TATDN2: variants seen among roughly 807,000 people sequenced by gnomAD.
The protein encoded by TATDN2 is 3'-5' RNA nuclease TATDN2.
Under a neutral mutation model 60.3 loss-of-function variants are expected in TATDN2, and 44 were observed. That is an observed-to-expected ratio of 0.73 (90% CI 0.57 to 0.94). The LOEUF (loss-of-function observed/expected upper bound fraction) is 0.94. Ranked by LOEUF, TATDN2 falls within the 40% of genes least tolerant of loss-of-function variation. The probability of loss-of-function intolerance (pLI) is 0.00; values close to 1 mark genes in which losing one functional copy is unlikely to be tolerated. For synonymous variants in TATDN2, 399 were observed against 355.8 expected (o/e 1.12, Z -1.37); for missense variants, 997 against 948.0 (o/e 1.05, Z -0.68).
chr3:10,276,574 AT>A (rs200847482), intron 5 of TATDN2, 86 bp downstream of exon 5: 43,260 of 1,508,336 alleles, frequency 0.029, 754 homozygotes, highest in South Asian at 0.035. Flanking sequence ...GTATTCTGTC[AT>A]TATACACTAT....
chr3:10,260,109 C>T (rs200269094), intron 2 of TATDN2, 28 bp from the exon 3 acceptor site: 1 of 1,585,960 alleles, frequency 6.3e-7, no homozygotes, highest in Non-Finnish European at 8.6e-7. Context: ...TTGGAACAGC[C>T]CTTTCAATTC....
chr3:10,271,334 G>C (rs1468113753), intron 4 of TATDN2, among the ~76,000 whole-genome samples: 2 of 152,158 alleles, frequency 1.3e-5, no homozygotes, highest in East Asian at 3.9e-4. Flanking sequence ...TTTTTTGAGA[G>C]GGAGTCTTGC....
intron 2 of TATDN2, among the ~76,000 whole-genome samples, chr3:10,255,864 C>T (rs957719700): frequency 2.0e-5 from 3 of 152,154 alleles, no homozygotes; most frequent in Non-Finnish European, 4.4e-5. Flanking sequence ...ATCACTTGAA[C>T]CTGAGAGGCG....
At chr3:10,252,273 T>G (rs1559458668) in intron 2 of TATDN2, among the ~76,000 whole-genome samples, 1 of 151,984 alleles carries the variant, frequency 6.6e-6, no homozygotes, top group Admixed American at 6.6e-5. Context: ...GCGCTGGGAT[T>G]AGAGGCATGA....
chr3:10,274,270 A>C (rs1698604582), intron 4 of TATDN2, among the ~76,000 whole-genome samples: 2 of 152,190 alleles, frequency 1.3e-5, no homozygotes, highest in Admixed American at 1.3e-4. Flanking sequence ...GAAACATTAT[A>C]AATGTAATGT....
chr3:10,270,358 T>G lies in TATDN2; in HGVS notation c.1176T>G (p.Pro392=), dbSNP rs1430067096. The part of the protein sequence containing the change: ...YASYWTSSPK[P]SSYPSTGSSS... ...GCTATTGGACCAGCAGCCCCAAGCC[T>G]TCTAGCTACCCCTCCACAGGCAGCA... The change falls in exon 4 of 8, where the codon CCT becomes CCG. Residue 392 remains proline (P), a synonymous_variant. Coordinates refer to ENST00000448281, the MANE Select transcript of TATDN2 (RefSeq NM_014760.4). 3 of 1,614,028 alleles carry G rather than the reference T, an allele frequency of 1.9e-6. No homozygotes were observed. The highest frequency in any genetic ancestry group is 2.5e-6 in the Non-Finnish European group (3 of 1,180,028).
intron 3 of TATDN2, among the ~76,000 whole-genome samples, chr3:10,262,527 CTTTTTTT>C (rs60747520): frequency 6.7e-5 from 4 of 59,984 alleles, no homozygotes; most frequent in Admixed American, 5.2e-4. Flanking sequence ...TTCTTCTGGG[CTTTTTTT>C]TTTTTTTTTT....
chr3:10,249,426 C>A lies in TATDN2; in HGVS notation c.226C>A (p.Arg76Ser), dbSNP rs916902564. The A allele has an allele frequency of 1.5e-5, 25 of 1,613,768 alleles. No homozygotes were observed. Among genetic ancestry groups the A allele is most frequent in the Non-Finnish European group, 1.9e-5 (23 of 1,180,012 alleles). ...GAGGTTATCCTGGGGCTCATCCCGC[C>A]GCAGAAATAACTCCTCCTCCTCCTT... ...SRRLSWGSSR[R>S]RNNSSSSFSP... The change falls in exon 2 of 8, where the codon CGC becomes AGC. Residue 76 changes from arginine to serine, a missense_variant. Coordinates refer to ENST00000448281, the MANE Select transcript of TATDN2 (RefSeq NM_014760.4).
intron 5 of TATDN2, among the ~76,000 whole-genome samples, chr3:10,277,130 G>T (rs1698651220): frequency 6.6e-6 from 1 of 152,102 alleles, no homozygotes; most frequent in South Asian, 2.1e-4. Context: ...GGGTGTGGTG[G>T]CTTAGCACAC....
intron 3 of TATDN2, among the ~76,000 whole-genome samples, chr3:10,265,681 CAAAAAAAAAA>C (rs60093055): frequency 3.2e-5 from 2 of 62,706 alleles, no homozygotes; most frequent in Admixed American, 1.9e-4. Context: ...GACTCCGTCT[CAAAAAAAAAA>C]AAAAAAAAAA....
intron 2 of TATDN2, among the ~76,000 whole-genome samples, chr3:10,259,839 T>C (rs1266007918): frequency 6.6e-6 from 1 of 152,186 alleles, no homozygotes; most frequent in Non-Finnish European, 1.5e-5. Flanking sequence ...GCCTGAAGTG[T>C]AGTCCTTGCC....
chr3:10,251,795 A>G (rs1698235575), intron 2 of TATDN2, among the ~76,000 whole-genome samples: 1 of 152,034 alleles, frequency 6.6e-6, no homozygotes, highest in African/African-American at 2.4e-5. Flanking sequence ...CCTGGGGTCA[A>G]GCAATCTTCT....
chr3:10,273,053 G>T (rs1329199686), intron 4 of TATDN2, among the ~76,000 whole-genome samples: 1 of 152,064 alleles, frequency 6.6e-6, no homozygotes, highest in Admixed American at 6.6e-5. Context: ...CAGGGTCTCA[G>T]GTCTGCACTT....
intron 2 of TATDN2, among the ~76,000 whole-genome samples, chr3:10,251,512 AGTAGCTAGGACTACAG>A (rs1290668122): frequency 6.6e-6 from 1 of 151,860 alleles, no homozygotes; most frequent in Non-Finnish European, 1.5e-5. Flanking sequence ...CAGCCTCCCA[AGTAGCTAGGACTACAG>A]GTGTGCGCTA....
In TATDN2 at chr3:10,249,182, C is replaced by T. The variant is rs1698179903; in HGVS notation, c.-6-13C>T. The T allele has an allele frequency of 6.6e-7, 1 of 1,509,038 alleles. No individual in the cohort carries two copies. The highest frequency in any genetic ancestry group is 8.9e-7 in the Non-Finnish European group (1 of 1,128,684). The allele number at this position is 1,509,038 out of a possible 1,614,324, so 93.5% of individuals were successfully genotyped here. A position where few individuals can be genotyped will look rare whatever the true frequency, so the allele number is the denominator to read the frequency against. ...AGGGTGGTGTTGGAATCCAGGCCCCCTGTACCTTGCAGGTGCCCATGGCGT... is the reference window on the plus strand; with the variant it reads ...AGGGTGGTGTTGGAATCCAGGCCCCTTGTACCTTGCAGGTGCCCATGGCGT... On this transcript the variant is annotated splice_polypyrimidine_tract_variant and intron_variant, in intron 1 of 7. Coordinates refer to ENST00000448281, the MANE Select transcript of TATDN2 (RefSeq NM_014760.4).
chr3:10,270,767 G>C lies in TATDN2; in HGVS notation c.1585G>C (p.Glu529Gln), dbSNP rs1698551055. ...AATTTACAGCAGCTCCTTCCCTAAG[G>C]AATTTCAGGGCTGCATCTCTGACTT... ...RKIYSSSFPKEFQGCISDFCD... is the reference protein window; with the variant it reads ...RKIYSSSFPKQFQGCISDFCD... The change falls in exon 4 of 8, where the codon GAA becomes CAA. Residue 529 changes from glutamate to glutamine, a missense_variant. Transcript: ENST00000448281. 6.2e-7 allele frequency: 1 copy of C among 1,614,062 alleles called. No individual in the cohort carries two copies. Among genetic ancestry groups the C allele is most frequent in the Non-Finnish European group, 8.5e-7 (1 of 1,180,038 alleles).
chr3:10,267,797 T>G (rs553252749), intron 3 of TATDN2, among the ~76,000 whole-genome samples: 83 of 152,352 alleles, frequency 5.4e-4, no homozygotes, highest in Non-Finnish European at 1.1e-3. Context: ...ATGTTAATGA[T>G]GTGTTACTGT....
At chr3:10,276,244 A>T (rs1413562659) in intron 4 of TATDN2, 117 bp from the exon 5 acceptor site, 1 of 1,286,146 alleles carries the variant, frequency 7.8e-7, no homozygotes, top group African/African-American at 1.5e-5. Context: ...CTATTATTAC[A>T]TTATATAGTT....
At chr3:10,256,716 C>G (rs1698313507) in intron 2 of TATDN2, among the ~76,000 whole-genome samples, 1 of 151,988 alleles carries the variant, frequency 6.6e-6, no homozygotes, top group Non-Finnish European at 1.5e-5. Context: ...TGTTGCAGAT[C>G]TCACCCTCTG....
Sources: gnomAD v4.1 joint callset for allele counts (sites outside exome capture counted in the v4.1 genomes callset) on GRCh38, gnomAD v4.1.1 for gene constraint, MANE v1.5 for transcripts, NCBI Gene and HGNC (gene_info 2026-07-23, HGNC 2026-07-21) for gene names.